KCNQ5: variants seen among roughly 807,000 people sequenced by gnomAD.
The protein encoded by KCNQ5 is potassium voltage-gated channel subfamily KQT member 5.
A neutral mutation model predicts 98.2 loss-of-function variants in KCNQ5; 30 were observed. The observed-to-expected ratio is 0.31, with a 90% CI of 0.23 to 0.41. The LOEUF is 0.41. KCNQ5 is among the 10% of genes least tolerant of loss of function. The pLI, the probability that KCNQ5 is intolerant of heterozygous loss-of-function variation, is 1.00. For synonymous variants in KCNQ5, 458 were observed against 449.4 expected (o/e 1.02, Z -0.24); for missense variants, 835 against 1,182.5 (o/e 0.71, Z 4.31).
intron 2 of KCNQ5, among the ~76,000 whole-genome samples, chr6:73,008,688 A>G (rs1269827243): frequency 6.6e-6 from 1 of 152,210 alleles, no homozygotes; most frequent in Non-Finnish European, 1.5e-5. Context: ...CCTACTCTCA[A>G]TAATGGATAG....
chr6:73,013,065 A>G (rs996808141), intron 2 of KCNQ5, among the ~76,000 whole-genome samples: 19 of 152,074 alleles, frequency 1.2e-4, no homozygotes, highest in Non-Finnish European at 2.8e-4. Flanking sequence ...TGAAAATGCT[A>G]CACTTAAGGA....
intron 2 of KCNQ5, among the ~76,000 whole-genome samples, chr6:73,013,847 C>A (rs1343866452): frequency 6.6e-6 from 1 of 152,122 alleles, no homozygotes; most frequent in Non-Finnish European, 1.5e-5. Context: ...GCTTACAACA[C>A]TTTTACTTAG....
At chr6:72,873,527 G>C (rs879906407) in intron 1 of KCNQ5, among the ~76,000 whole-genome samples, 2 of 152,060 alleles carry the variant, frequency 1.3e-5, no homozygotes, top group Non-Finnish European at 2.9e-5. Context: ...GACAGGAAAA[G>C]AACAGAAATG....
chr6:72,651,076 T>C (rs1765853835), intron 1 of KCNQ5, among the ~76,000 whole-genome samples: 2 of 152,114 alleles, frequency 1.3e-5, no homozygotes, highest in African/African-American at 4.8e-5. Context: ...AGGTAAAGTA[T>C]GAGGGGAGAT....
Position 72,669,551 on chromosome 6 carries a change from A to C in KCNQ5, c.398+46964A>C, listed in dbSNP as rs561131444. Among the ~76,000 whole-genome samples, 304 of 152,164 alleles carry C rather than the reference A, an allele frequency of 2.0e-3. 2 individuals are homozygous for C. The highest frequency in any genetic ancestry group is 7.1e-3 in the African/African-American group (293 of 41,516). ...AACCAAGCAGGAAAGAGCCTTACCC[A>C]CCTGTCTTCCCCTCCCCTTGGGCCT... On this transcript the variant is annotated intron_variant, in intron 1 of 13. Coordinates refer to ENST00000370398, the MANE Select transcript of KCNQ5 (RefSeq NM_019842.4).
At chr6:72,888,819 T>C (rs1259241033) in intron 1 of KCNQ5, among the ~76,000 whole-genome samples, 2 of 152,202 alleles carry the variant, frequency 1.3e-5, no homozygotes, top group Non-Finnish European at 2.9e-5. Flanking sequence ...CATTTTTTAA[T>C]TCATTTAATA....
At chr6:73,140,505 A>G (rs776640238) in intron 10 of KCNQ5, among the ~76,000 whole-genome samples, 2 of 152,192 alleles carry the variant, frequency 1.3e-5, no homozygotes, top group Non-Finnish European at 2.9e-5. Context: ...GCAGTATCCT[A>G]TTAGGGCTTC....
intron 9 of KCNQ5, among the ~76,000 whole-genome samples, chr6:73,130,511 GTTGGTCTCTTGGGGATAATCC>G (rs1310025414): frequency 6.6e-6 from 1 of 152,070 alleles, no homozygotes; most frequent in African/African-American, 2.4e-5. Context: ...AGACCTCCTT[GTTGGTCTCTTGGGGATAATCC>G]TTGGCATTCT....
At chr6:72,800,060 C>T (rs1582313411) in intron 1 of KCNQ5, among the ~76,000 whole-genome samples, 1 of 152,246 alleles carries the variant, frequency 6.6e-6, no homozygotes, top group South Asian at 2.1e-4. Context: ...TACTTTAAAT[C>T]TGACTCTTGA....
At chr6:72,980,296 T>C (rs958018501) in intron 1 of KCNQ5, among the ~76,000 whole-genome samples, 1 of 152,252 alleles carries the variant, frequency 6.6e-6, no homozygotes, top group Non-Finnish European at 1.5e-5. Context: ...ATATTGATTC[T>C]TCCTATCCAT....
At chr6:73,152,278 T>A (rs7768306) in intron 10 of KCNQ5, among the ~76,000 whole-genome samples, 1 of 152,158 alleles carries the variant, frequency 6.6e-6, no homozygotes, top group Non-Finnish European at 1.5e-5. Flanking sequence ...AATAAAGATA[T>A]GAAAATCTGT....
intron 1 of KCNQ5, among the ~76,000 whole-genome samples, chr6:72,741,773 ATGAGAAAAAAACAAAACCCAG>A (rs1167179019): frequency 6.6e-6 from 1 of 152,212 alleles, no homozygotes; most frequent in Non-Finnish European, 1.5e-5. Context: ...TTACAGATCT[ATGAGAAAAAAACAAAACCCAG>A]GCAAACAAAT....
At chr6:72,665,050 T>G (rs1766728594) in intron 1 of KCNQ5, among the ~76,000 whole-genome samples, 1 of 152,048 alleles carries the variant, frequency 6.6e-6, no homozygotes, top group African/African-American at 2.4e-5. Flanking sequence ...AATAAAGCCT[T>G]CAAAATTATG....
At chr6:73,192,892 C>T (rs2150525871) in intron 13 of KCNQ5, among the ~76,000 whole-genome samples, 1 of 152,054 alleles carries the variant, frequency 6.6e-6, no homozygotes, top group South Asian at 2.1e-4. Flanking sequence ...AAAATCTCAT[C>T]TCATCAATTA....
chr6:72,803,388 G>A (rs981080133), intron 1 of KCNQ5, among the ~76,000 whole-genome samples: 5 of 152,244 alleles, frequency 3.3e-5, no homozygotes, highest in Admixed American at 6.5e-5. Context: ...AGTCTTGTAT[G>A]AGAATTGCCA....
At chr6:72,883,992 T>C (rs909701098) in intron 1 of KCNQ5, among the ~76,000 whole-genome samples, 6 of 152,238 alleles carry the variant, frequency 3.9e-5, no homozygotes, top group African/African-American at 1.4e-4. Context: ...TTATTGCTTG[T>C]AAGAATCAAT....
intron 1 of KCNQ5, among the ~76,000 whole-genome samples, chr6:72,663,819 C>A (rs1386682653): frequency 1.3e-5 from 2 of 151,918 alleles, no homozygotes; most frequent in Admixed American, 1.3e-4. Flanking sequence ...AAAAAAAGTA[C>A]TTCTAGTGTT....
chr6:73,114,567 G>T (rs1405983747), intron 7 of KCNQ5, among the ~76,000 whole-genome samples: 1 of 152,142 alleles, frequency 6.6e-6, no homozygotes, highest in Non-Finnish European at 1.5e-5. Flanking sequence ...TTGAATACCT[G>T]CCCAAATGTC....
At chr6:72,885,349 T>TA (rs1158564222) in intron 1 of KCNQ5, among the ~76,000 whole-genome samples, 12 of 152,128 alleles carry the variant, frequency 7.9e-5, no homozygotes, top group Admixed American at 3.9e-4. Context: ...CTGAAAAAGA[T>TA]AAAAAATTCG....
Sources: gnomAD v4.1 joint callset for allele counts (sites outside exome capture counted in the v4.1 genomes callset) on GRCh38, gnomAD v4.1.1 for gene constraint, MANE v1.5 for transcripts, NCBI Gene and HGNC (gene_info 2026-07-23, HGNC 2026-07-21) for gene names.